The following ABCD3 variants were observed in gnomAD, a reference collection of about 807,000 sequenced individuals.
ABCD3 encodes ATP-binding cassette sub-family D member 3.
In ABCD3, 41 loss-of-function variants were observed where a neutral mutation model predicts 105.5. The ratio of observed to expected loss-of-function variants is 0.39; its 90% CI spans 0.30 to 0.50. ABCD3 has a LOEUF of 0.50. Among genes scored for constraint, ABCD3 ranks in the 20% least tolerant of loss-of-function variants. The pLI is 0.84. For synonymous variants in ABCD3, 258 were observed against 269.0 expected (o/e 0.96, Z 0.40); for missense variants, 622 against 806.3 (o/e 0.77, Z 2.77).
chr1:94,440,122 CA>C lies in ABCD3; in HGVS notation c.111-18484del, dbSNP rs537063034. ...TAGGAATGTGTTTCTCACATGCTTT[CA>C]TTGTCTGTAGGGATATTTTTATTCT... On this transcript the variant is annotated intron_variant, in intron 1 of 22. Coordinates refer to ENST00000370214, the MANE Select transcript of ABCD3 (RefSeq NM_002858.4). 2.6e-3 allele frequency among the ~76,000 whole-genome samples: 392 copies of C among 152,262 alleles called. 3 individuals carry two copies. Among genetic ancestry groups the C allele is most frequent in the African/African-American group, 9.1e-3 (379 of 41,566 alleles).
At chr1:94,487,008 A>C (rs921891130) in intron 10 of ABCD3, among the ~76,000 whole-genome samples, 2 of 152,190 alleles carry the variant, frequency 1.3e-5, no homozygotes, top group African/African-American at 4.8e-5. Context: ...TTTTAAGACA[A>C]TGCGTGCTCA....
At chr1:94,398,005 G>C in the ABCD3 span, among the ~76,000 whole-genome samples, 1 of 151,814 alleles carries the variant, frequency 6.6e-6, no homozygotes, top group Non-Finnish European at 1.5e-5. Context: ...TTATTCTTTG[G>C]AATGCTGGAA....
Position 94,489,657 on chromosome 1 carries a change from T to C in ABCD3, c.1158-68T>C, listed in dbSNP as rs1442529007. 3 of 1,105,386 alleles carry C rather than the reference T, an allele frequency of 2.7e-6. No individual in the cohort carries two copies. In the African/African-American group the frequency reaches 4.7e-5, roughly 17 times the overall value. The allele number at this position is 1,105,386 out of a possible 1,614,324, so 68.5% of individuals were successfully genotyped here. A position where few individuals can be genotyped will look rare whatever the true frequency, so the allele number is the denominator to read the frequency against. ...AAATTATAATTTTAGGAACTTCAGT[T>C]TGTATAAAATAAAAGATGTGACAAT... On this transcript the variant is annotated intron_variant, in intron 13 of 22. Transcript: ENST00000370214.
At chr1:94,451,158 T>C (rs2100939369) in intron 1 of ABCD3, among the ~76,000 whole-genome samples, 1 of 152,310 alleles carries the variant, frequency 6.6e-6, no homozygotes, top group East Asian at 1.9e-4. Context: ...TCTTGTTAGG[T>C]ATCTTAAAAA....
rs778691081 is a variant in ABCD3 at position 94,491,178 on chromosome 1, CT to C, written c.1323-5del. On this transcript the variant is annotated splice_polypyrimidine_tract_variant and splice_region_variant and intron_variant, in intron 15 of 22. Transcript: ENST00000370214. ...GTAATTCTCTTTTTAAAAATTTCCT[CT>C]ATAGGTTTGATCATGTTCCTTTAGC... 6.2e-7 allele frequency: 1 copy of C among 1,606,742 alleles called. No individual in the cohort carries two copies. Among genetic ancestry groups the C allele is most frequent in the Non-Finnish European group, 8.5e-7 (1 of 1,174,046 alleles).
In ABCD3 at chr1:94,506,612, G is replaced by A. The variant is rs1650363846; in HGVS notation, c.1815G>A (p.Val605=). ...DECTSAVSVD[V]EGYIYSHCRK... ...GCACAAGTGCAGTTAGTGTCGACGT[G>A]GAAGGCTACATTTATAGTCATTGTC... Residue 605 remains valine (V), a synonymous_variant, in exon 21 of 23, where the codon GTG becomes GTA. Coordinates refer to ENST00000370214, the MANE Select transcript of ABCD3 (RefSeq NM_002858.4). The A allele has an allele frequency of 6.2e-7, 1 of 1,612,684 alleles. No homozygotes were observed. The highest frequency in any genetic ancestry group is 8.5e-7 in the Non-Finnish European group (1 of 1,179,066).
intron 13 of ABCD3, 84 bp from the exon 14 acceptor site, chr1:94,489,640 AT>A: frequency 2.2e-6 from 2 of 928,672 alleles, no homozygotes; most frequent in Non-Finnish European, 3.5e-6. Flanking sequence ...CTAAATTATA[AT>A]TTTAGGAACT....
At chr1:94,450,530 C>T (rs1319618221) in intron 1 of ABCD3, among the ~76,000 whole-genome samples, 2 of 152,266 alleles carry the variant, frequency 1.3e-5, no homozygotes, top group African/African-American at 2.4e-5. Context: ...GCCTTAAGGA[C>T]ATGTTCCTGC....
chr1:94,489,730 C>T lies in ABCD3; in HGVS notation c.1163C>T (p.Thr388Ile). 6.2e-7 allele frequency: 1 copy of T among 1,612,036 alleles called. No individual in the cohort carries two copies. Among genetic ancestry groups the T allele is most frequent in the African/African-American group, 1.3e-5 (1 of 74,954 alleles). Reference sequence around the variant, plus strand: ...TTCCTTTTCTAAAATTTTAGTTTTACTGCTCGGATTACAGAATTAATGCAA... The same window carrying T: ...TTCCTTTTCTAAAATTTTAGTTTTATTGCTCGGATTACAGAATTAATGCAA... The part of the protein sequence containing the change: ...GREMTRLAGF[T>I]ARITELMQVL... Residue 388 changes from threonine (T) to isoleucine (I), a missense_variant, in exon 14 of 23, where the codon ACT becomes ATT. Transcript: ENST00000370214.
At chr1:94,399,388 A>C in the ABCD3 span, among the ~76,000 whole-genome samples, 1 of 152,246 alleles carries the variant, frequency 6.6e-6, no homozygotes, top group Non-Finnish European at 1.5e-5. Context: ...TGAGTATGTA[A>C]GGGCTTTGTC....
rs182802494 is a variant in ABCD3 at position 94,419,346 on chromosome 1, A to G, written c.110+758A>G. 44 of 985,174 alleles carry G rather than the reference A, an allele frequency of 4.5e-5. No homozygotes were observed. The African/African-American group carries it at 6.1e-4, about 14-fold the overall frequency. The allele number at this position is 985,174 out of a possible 1,614,324, so 61.0% of individuals were successfully genotyped here. A position where few individuals can be genotyped will look rare whatever the true frequency, so the allele number is the denominator to read the frequency against. On this transcript the variant is annotated intron_variant, in intron 1 of 22. Coordinates refer to ENST00000370214, the MANE Select transcript of ABCD3 (RefSeq NM_002858.4). ...TAGGTGAGGATCAAGCTCCTTTTTA[A>G]TGACACGCCACTGCTTCCACCGCGG...
intron 1 of ABCD3, among the ~76,000 whole-genome samples, chr1:94,438,313 C>T (rs998144979): frequency 6.3e-5 from 9 of 142,422 alleles, no homozygotes; most frequent in African/African-American, 2.1e-4. Flanking sequence ...CACACACACA[C>T]ACACACACAC....
intron 13 of ABCD3, among the ~76,000 whole-genome samples, chr1:94,488,816 T>TCA (rs1553172341): frequency 1.1e-3 from 22 of 20,228 alleles, no homozygotes; most frequent in Non-Finnish European, 3.1e-3. Context: ...GTGTTTCCTT[T>TCA]CACTCTCTCT....
the ABCD3 span, among the ~76,000 whole-genome samples, chr1:94,404,648 T>A: frequency 6.6e-6 from 1 of 152,092 alleles, no homozygotes; most frequent in African/African-American, 2.4e-5. Context: ...CCATTCTATT[T>A]CTGCATCCCC....
chr1:94,475,047 T>C (rs1235715251), intron 5 of ABCD3, 96 bp from the exon 6 acceptor site: 12 of 809,030 alleles, frequency 1.5e-5, no homozygotes, highest in Non-Finnish European at 2.2e-5. Flanking sequence ...ATAAAAATTG[T>C]AGGATTTGGG....
At chr1:94,473,054 A>G (rs1346109227) in intron 4 of ABCD3, among the ~76,000 whole-genome samples, 7 of 152,214 alleles carry the variant, frequency 4.6e-5, no homozygotes, top group African/African-American at 1.4e-4. Context: ...AACAACAGGC[A>G]AAAGAGAAGC....
chr1:94,496,375 A>C (rs1649800033), intron 16 of ABCD3, among the ~76,000 whole-genome samples: 1 of 152,136 alleles, frequency 6.6e-6, no homozygotes, highest in Admixed American at 6.6e-5. Context: ...TTCATTTAGC[A>C]TAATGTTTTC....
At chr1:94,480,709 A>G in intron 9 of ABCD3, 103 bp downstream of exon 9, 1 of 1,197,836 alleles carries the variant, frequency 8.3e-7, no homozygotes, top group East Asian at 2.4e-5. Flanking sequence ...TACTGTAATA[A>G]TGTGCATATT....
Position 94,480,529 on chromosome 1 carries a change from C to T in ABCD3, c.750C>T (p.Pro250=), listed in dbSNP as rs756130904. The T allele has an allele frequency of 2.9e-5, 46 of 1,613,810 alleles. No individual in the cohort carries two copies. Among genetic ancestry groups the T allele is most frequent in the Non-Finnish European group, 3.6e-5 (43 of 1,179,848 alleles). The change falls in exon 9 of 23, where the codon CCC becomes CCT. Residue 250 remains proline (P), a synonymous_variant. Coordinates refer to ENST00000370214, the MANE Select transcript of ABCD3 (RefSeq NM_002858.4). ...TATTCCTAACTCGACTTCGAAGACCCATTGGTAAGATGACAATAACTGAGC... is the reference window on the plus strand; with the variant it reads ...TATTCCTAACTCGACTTCGAAGACCTATTGGTAAGATGACAATAACTGAGC... ...SGLFLTRLRR[P]IGKMTITEQK...
Sources: gnomAD v4.1 joint callset for allele counts (sites outside exome capture counted in the v4.1 genomes callset) on GRCh38, gnomAD v4.1.1 for gene constraint, MANE v1.5 for transcripts, NCBI Gene and HGNC (gene_info 2026-07-23, HGNC 2026-07-21) for gene names.